The following RFC3 variants were observed in gnomAD, a reference collection of about 807,000 sequenced individuals.
The protein encoded by RFC3 is replication factor C subunit 3.
RFC3 carries 41 observed loss-of-function variants against 45.1 expected under a neutral mutation model. The ratio of observed to expected loss-of-function variants is 0.91; its 90% confidence interval spans 0.71 to 1.18. RFC3 has a LOEUF of 1.18. Ranked by LOEUF, RFC3 falls within the 50% of genes most tolerant of loss-of-function variation. The pLI, the probability that RFC3 is intolerant of heterozygous loss-of-function variation, is 0.00. For synonymous variants in RFC3, 149 were observed against 144.0 expected, an observed-to-expected ratio of 1.03 and a Z score of -0.25; for missense variants, 423 against 428.1, an observed-to-expected ratio of 0.99 and a Z score of 0.10.
intron 8 of RFC3, among the ~76,000 whole-genome samples, chr13:33,933,950 C>T (rs12430947): frequency 0.11 from 15,832 of 146,608 alleles, 1,119 homozygotes; most frequent in Admixed American, 0.21. Flanking sequence ...TGGGGGAGGG[C>T]GAGACTGGCA....
At chr13:33,870,495 G>A (rs2082400320) in intron 8 of RFC3, among the ~76,000 whole-genome samples, 1 of 152,202 alleles carries the variant, frequency 6.6e-6, no homozygotes, top group Admixed American at 6.5e-5. Context: ...GGTTGAGAAG[G>A]CAGAATAATG....
At chr13:33,906,135 T>C (rs2082670599) in intron 8 of RFC3, among the ~76,000 whole-genome samples, 2 of 152,144 alleles carry the variant, frequency 1.3e-5, no homozygotes, top group African/African-American at 4.8e-5. Context: ...AGTGTCACAT[T>C]GATCATATCC....
At chr13:33,856,052 G>A (rs920192877) in intron 8 of RFC3, among the ~76,000 whole-genome samples, 2 of 152,130 alleles carry the variant, frequency 1.3e-5, no homozygotes, top group African/African-American at 4.8e-5. Flanking sequence ...CCATTCCTAT[G>A]TCCAGAATGA....
chr13:33,932,623 A>T (rs1418976076), intron 8 of RFC3, among the ~76,000 whole-genome samples: 1 of 152,154 alleles, frequency 6.6e-6, no homozygotes, highest in Non-Finnish European at 1.5e-5. Flanking sequence ...AGGTTATCAA[A>T]CAGAGAAGGG....
chr13:33,836,583 C>T lies in RFC3; in HGVS notation c.*288C>T, dbSNP rs1398153694. The T allele has an allele frequency of 3.7e-6, 4 of 1,073,654 alleles. No homozygotes were observed. Among genetic ancestry groups the T allele is most frequent in the Non-Finnish European group, 4.5e-6 (4 of 884,592 alleles). 66.5% of individuals were successfully genotyped at this position (1,073,654 alleles called of 1,614,324 possible). A position where few individuals can be genotyped will look rare whatever the true frequency, so the allele number is the denominator to read the frequency against. On this transcript the variant is annotated 3_prime_UTR_variant, in exon 9 of 9. Transcript: ENST00000380071. The stretch of plus-strand genomic sequence containing the variant: ...TATTCATTGTTGATCCTCCTATTCT[C>T]TTCCGTCTAATCTCTCACCTGCTAA...
At chr13:33,866,678 C>T (rs996593962) in intron 8 of RFC3, among the ~76,000 whole-genome samples, 1 of 152,174 alleles carries the variant, frequency 6.6e-6, no homozygotes, top group Non-Finnish European at 1.5e-5. Context: ...TATATTTCTA[C>T]TGGTTTTTCC....
chr13:33,895,407 C>T (rs2082591539), intron 8 of RFC3, among the ~76,000 whole-genome samples: 1 of 152,106 alleles, frequency 6.6e-6, no homozygotes, highest in African/African-American at 2.4e-5. Context: ...CACTAATCAT[C>T]AGGAATATGG....
chr13:33,911,483 A>G (rs559849258), intron 8 of RFC3, among the ~76,000 whole-genome samples: 1 of 152,224 alleles, frequency 6.6e-6, no homozygotes, highest in South Asian at 2.1e-4. Flanking sequence ...TTGCTATAAC[A>G]GAATACCTGA....
chr13:33,865,858 A>C (rs973852936), intron 8 of RFC3, among the ~76,000 whole-genome samples: 1 of 152,300 alleles, frequency 6.6e-6, no homozygotes. Flanking sequence ...GTTCCAGACC[A>C]GCCTGACCAA....
intron 8 of RFC3, among the ~76,000 whole-genome samples, chr13:33,887,866 C>G (rs1288374975): frequency 1.3e-5 from 2 of 152,024 alleles, no homozygotes; most frequent in African/African-American, 4.8e-5. Flanking sequence ...GTTTTCCCAG[C>G]ACCATTTATT....
At chr13:33,855,179 T>G (rs921154552) in intron 8 of RFC3, among the ~76,000 whole-genome samples, 1 of 152,190 alleles carries the variant, frequency 6.6e-6, no homozygotes, top group Non-Finnish European at 1.5e-5. Flanking sequence ...CTTACTACTT[T>G]CAGTTTGAAG....
intron 8 of RFC3, among the ~76,000 whole-genome samples, chr13:33,867,729 C>G (rs553020397): frequency 6.6e-6 from 1 of 152,240 alleles, no homozygotes; most frequent in South Asian, 2.1e-4. Flanking sequence ...AGCTAAAGAC[C>G]CCACACCGGT....
chr13:33,971,321 T>C (rs1402219296), downstream of RFC3, among the ~76,000 whole-genome samples: 2 of 152,268 alleles, frequency 1.3e-5, no homozygotes, highest in Non-Finnish European at 2.9e-5. Flanking sequence ...AACCAACTTA[T>C]ACTGCTGTTC....
chr13:33,882,879 A>G (rs1028764090), intron 8 of RFC3, among the ~76,000 whole-genome samples: 3 of 152,070 alleles, frequency 2.0e-5, no homozygotes. Flanking sequence ...ATATATTTTG[A>G]TTTGCTCTTT....
chr13:33,930,141 T>C (rs1272117182), intron 8 of RFC3, among the ~76,000 whole-genome samples: 3 of 152,152 alleles, frequency 2.0e-5, no homozygotes, highest in Non-Finnish European at 4.4e-5. Context: ...ATTAGGGTTC[T>C]CTAGAGGAAC....
At chr13:33,953,608 A>G (rs1368670780) in intron 8 of RFC3, among the ~76,000 whole-genome samples, 1 of 152,162 alleles carries the variant, frequency 6.6e-6, no homozygotes, top group African/African-American at 2.4e-5. Context: ...CTTTATCCCT[A>G]TAAAGTTGTA....
rs138152372 is a variant in RFC3, at chr13:33,920,027, G to A, written c.880-46060G>A. 6.7e-3 allele frequency among the ~76,000 whole-genome samples: 1,013 copies of A among 152,218 alleles called. 5 individuals are homozygous for A. Among genetic ancestry groups the A allele is most frequent in the Non-Finnish European group, 9.8e-3 (664 of 68,004 alleles). On this transcript the variant is annotated intron_variant, in intron 8 of 8. Transcript: ENST00000434425. The stretch of plus-strand genomic sequence containing the variant: ...AAGATGCCCTAGAAATTTTACTCTT[G>A]TTCCTGCCTAAGTCTCCCTAATCAA...
At chr13:33,958,310 C>T (rs1387551638) in intron 8 of RFC3, among the ~76,000 whole-genome samples, 2 of 152,184 alleles carry the variant, frequency 1.3e-5, no homozygotes, top group African/African-American at 2.4e-5. Context: ...GGCAGGGTCC[C>T]GTCTAGGGAG....
intron 8 of RFC3, among the ~76,000 whole-genome samples, chr13:33,881,925 G>C (rs1027822204): frequency 1.3e-5 from 2 of 152,166 alleles, no homozygotes; most frequent in African/African-American, 4.8e-5. Context: ...CCTGAATTTG[G>C]ACTCAGAAGT....
Sources: gnomAD v4.1 joint callset for allele counts (sites outside exome capture counted in the v4.1 genomes callset) on GRCh38, gnomAD v4.1.1 for gene constraint, MANE v1.5 for transcripts, NCBI Gene and HGNC (gene_info 2026-07-23, HGNC 2026-07-21) for gene names.